The following FAR2 variants were observed in gnomAD, a reference collection of about 807,000 sequenced individuals.
The protein encoded by FAR2 is fatty acyl-CoA reductase 2.
Under a neutral mutation model 56.0 loss-of-function variants are expected in FAR2, and 19 were observed. The observed-to-expected ratio is 0.34, with a 90% confidence interval of 0.24 to 0.50. FAR2 has a LOEUF of 0.50. Among genes scored for constraint, FAR2 ranks in the 20% least tolerant of loss-of-function variants. FAR2 has a pLI of 0.98. For missense variants in FAR2, 508 were observed against 642.2 expected (o/e 0.79, Z 2.26); for synonymous variants, 219 against 218.8 (o/e 1.00, Z -0.01).
At chr12:29,267,063 G>C (rs1343625503) in intron 1 of FAR2, among the ~76,000 whole-genome samples, 1 of 152,108 alleles carries the variant, frequency 6.6e-6, no homozygotes, top group Non-Finnish European at 1.5e-5. Context: ...TCCTATTAAA[G>C]AAGTAGGGTA....
In FAR2 at chr12:29,213,114, A is replaced by G. The variant is rs148426565; in HGVS notation, c.-38-57298A>G. On this transcript the variant is annotated intron_variant, in intron 1 of 11. Coordinates refer to ENST00000536681, the MANE Select transcript of FAR2 (RefSeq NM_001271783.2). ...TGTAGTCCATCAAATTTATCCCTAC[A>G]GAATATCTCTGCCTTGTAAGTCTCC... 1.5e-3 allele frequency among the ~76,000 whole-genome samples: 221 copies of G among 152,190 alleles called. 1 individual carries two copies. The South Asian group carries it at 0.022, about 15-fold the overall frequency.
At chr12:29,223,585 GACA>G (rs1947723853) in intron 1 of FAR2, 3 of 152,312 alleles carry the variant, frequency 2.0e-5, no homozygotes, top group South Asian at 4.1e-4. Context: ...GGGCTGCAGT[GACA>G]ACATTTTAGG....
At chr12:29,224,553 T>C (rs1385063856) in intron 1 of FAR2, among the ~76,000 whole-genome samples, 1 of 152,254 alleles carries the variant, frequency 6.6e-6, no homozygotes, top group African/African-American at 2.4e-5. Flanking sequence ...ATCTTGTCCC[T>C]GACTATAGAT....
chr12:29,220,522 A>G (rs1947673577), intron 1 of FAR2, among the ~76,000 whole-genome samples: 2 of 152,164 alleles, frequency 1.3e-5, no homozygotes, highest in South Asian at 2.1e-4. Context: ...CCTTTTTACT[A>G]TTTATACTTC....
intron 1 of FAR2, chr12:29,151,892 T>C (rs1272568243): frequency 6.6e-6 from 1 of 152,242 alleles, no homozygotes; most frequent in African/African-American, 2.4e-5. Flanking sequence ...TTGCTTTGAA[T>C]AGTTCTTTTC....
chr12:29,157,538 C>T (rs1326433851), intron 1 of FAR2, among the ~76,000 whole-genome samples: 1 of 152,184 alleles, frequency 6.6e-6, no homozygotes, highest in Admixed American at 6.5e-5. Flanking sequence ...CTTACTCATC[C>T]TTCCATCTTA....
intron 2 of FAR2, chr12:29,282,312 A>T (rs1264184669): frequency 6.6e-6 from 1 of 152,238 alleles, no homozygotes; most frequent in African/African-American, 2.4e-5. Context: ...CCAACCTCTT[A>T]TGCAATGATC....
At chr12:29,290,849 G>T (rs1032627200) in intron 2 of FAR2, among the ~76,000 whole-genome samples, 3 of 152,186 alleles carry the variant, frequency 2.0e-5, no homozygotes, top group Non-Finnish European at 4.4e-5. Flanking sequence ...GTTACCAGAG[G>T]CTGGGAAGGC....
chr12:29,223,309 T>C (rs10771500), intron 1 of FAR2, among the ~76,000 whole-genome samples: 25,939 of 152,126 alleles, frequency 0.17, 2,894 homozygotes, highest in African/African-American at 0.31. Context: ...TCTCTTCTCC[T>C]TCCTTTCTCT....
At chr12:29,276,391 A>G (rs556431205) in intron 2 of FAR2, among the ~76,000 whole-genome samples, 1 of 152,350 alleles carries the variant, frequency 6.6e-6, no homozygotes, top group Non-Finnish European at 1.5e-5. Flanking sequence ...CATCTACGGT[A>G]GATCACAAAC....
intron 4 of FAR2, among the ~76,000 whole-genome samples, chr12:29,305,770 A>G (rs1949244953): frequency 6.6e-6 from 1 of 152,188 alleles, no homozygotes; most frequent in Non-Finnish European, 1.5e-5. Context: ...TAGCAGAGGC[A>G]AGTCATCTAT....
chr12:29,308,711 C>CATATATATATATAT lies in FAR2; in HGVS notation c.724-474_724-473insTATATATATATATA, dbSNP rs1428729903. Among the ~76,000 whole-genome samples, 16 of 109,790 alleles carry CATATATATATATAT rather than the reference C, an allele frequency of 1.5e-4. No individual in the cohort carries two copies. The South Asian group carries it at 2.4e-3, about 17-fold the overall frequency. 72.0% of individuals were successfully genotyped at this position (109,790 alleles called of 152,430 possible). ...ACAGACACACACACACACACACACA[C>CATATATATATATAT]ACACACACATATATATATATATGTA... is the stretch of plus-strand genomic sequence containing the variant. On this transcript the variant is annotated intron_variant, in intron 5 of 11. Coordinates refer to ENST00000536681, the MANE Select transcript of FAR2 (RefSeq NM_001271783.2).
intron 2 of FAR2, among the ~76,000 whole-genome samples, chr12:29,289,216 A>C (rs529483316): frequency 1.3e-5 from 2 of 152,236 alleles, no homozygotes; most frequent in African/African-American, 4.8e-5. Flanking sequence ...TGGAACCGCA[A>C]AAGACTGAGA....
chr12:29,326,874 T>C (rs923273523), intron 10 of FAR2, among the ~76,000 whole-genome samples: 7 of 152,058 alleles, frequency 4.6e-5, no homozygotes, highest in Admixed American at 3.9e-4. Flanking sequence ...ACCACTCCTA[T>C]TCAACATAGT....
intron 1 of FAR2, among the ~76,000 whole-genome samples, chr12:29,176,478 A>ATTT (rs1949939664): frequency 6.6e-6 from 1 of 152,230 alleles, no homozygotes; most frequent in Non-Finnish European, 1.5e-5. Context: ...CAACTGGGAA[A>ATTT]AGAGACAGCT....
At chr12:29,186,124 CTT>C (rs1950037524) in intron 1 of FAR2, among the ~76,000 whole-genome samples, 1 of 152,082 alleles carries the variant, frequency 6.6e-6, no homozygotes, top group South Asian at 2.1e-4. Flanking sequence ...CTACATAAAC[CTT>C]TATCATTTCA....
At chr12:29,223,166 A>C (rs1018878339) in intron 1 of FAR2, among the ~76,000 whole-genome samples, 11 of 152,212 alleles carry the variant, frequency 7.2e-5, no homozygotes, top group Non-Finnish European at 1.3e-4. Context: ...ACAGACAGAG[A>C]AACTGAGACA....
At chr12:29,157,106 TTATATATATATATATATA>T (rs5797307) in intron 1 of FAR2, 44 of 73,450 alleles carry the variant, frequency 6.0e-4, no homozygotes, top group African/African-American at 1.1e-3. Context: ...AAAGAACATT[TTATATATATATATATATA>T]TATATATATA....
intron 1 of FAR2, among the ~76,000 whole-genome samples, chr12:29,227,156 G>A (rs899959670): frequency 3.3e-5 from 5 of 152,140 alleles, no homozygotes; most frequent in African/African-American, 4.8e-5. Flanking sequence ...GGCACCTTAC[G>A]TGCCTATAAT....
Sources: gnomAD v4.1 joint callset for allele counts (sites outside exome capture counted in the v4.1 genomes callset) on GRCh38, gnomAD v4.1.1 for gene constraint, MANE v1.5 for transcripts, NCBI Gene and HGNC (gene_info 2026-07-23, HGNC 2026-07-21) for gene names.